EVA1A: variants seen among roughly 807,000 people sequenced by gnomAD.
EVA1A encodes eva-1 homolog A, regulator of programmed cell death, also known as protein eva-1 homolog A.
Under a neutral mutation model 9.8 loss-of-function variants are expected in EVA1A, and 7 were observed. That is an observed-to-expected ratio of 0.71 (90% confidence interval 0.41 to 1.34). The LOEUF (loss-of-function observed/expected upper bound fraction) is 1.34, where lower values mean the gene tolerates loss of function less well. Ranked by LOEUF, EVA1A falls within the 40% of genes most tolerant of loss-of-function variation. EVA1A has a pLI of 0.01. For missense variants in EVA1A, 206 were observed against 205.9 expected (o/e 1.00, Z 0.00); for synonymous variants, 90 against 85.6 (o/e 1.05, Z -0.28).
chr2:75,559,706 G>GGGGGGGGGGGGTT (rs1676850757), intron 1 of EVA1A, among the ~76,000 whole-genome samples: 1 of 131,220 alleles, frequency 7.6e-6, no homozygotes, highest in Admixed American at 7.6e-5. Context: ...GTGGGGGGGG[G>GGGGGGGGGGGGTT]GCGGGGGAGT....
chr2:75,562,201 T>C (rs1676939798), upstream of EVA1A, among the ~76,000 whole-genome samples: 1 of 152,354 alleles, frequency 6.6e-6, no homozygotes, highest in South Asian at 2.1e-4. Context: ...TATATTGGAC[T>C]GATTGTATAT....
intron 1 of EVA1A, among the ~76,000 whole-genome samples, chr2:75,548,006 A>G (rs1393725316): frequency 5.9e-5 from 9 of 152,238 alleles, no homozygotes; most frequent in African/African-American, 2.2e-4. Context: ...AATACTTACT[A>G]TCTGATCCTT....
intron 1 of EVA1A, among the ~76,000 whole-genome samples, chr2:75,527,460 C>G (rs375038577): frequency 6.6e-6 from 1 of 152,210 alleles, no homozygotes; most frequent in African/African-American, 2.4e-5. Flanking sequence ...GCAGCCTAGT[C>G]AGGACTCTCA....
At chr2:75,512,483 G>A (rs1326773238) in intron 3 of EVA1A, among the ~76,000 whole-genome samples, 2 of 152,034 alleles carry the variant, frequency 1.3e-5, no homozygotes, top group Non-Finnish European at 2.9e-5. Context: ...GAGAATTCTT[G>A]GAAAAGGAAA....
chr2:75,497,806 G>C (rs752722888), intron 3 of EVA1A, among the ~76,000 whole-genome samples: 16 of 124,606 alleles, frequency 1.3e-4, no homozygotes, highest in Non-Finnish European at 2.4e-4. Context: ...AGCTGAGATT[G>C]TACCACTGTA....
intron 1 of EVA1A, among the ~76,000 whole-genome samples, chr2:75,537,379 A>G (rs983542459): frequency 2.0e-5 from 3 of 152,174 alleles, no homozygotes; most frequent in East Asian, 3.9e-4. Flanking sequence ...GAAATACTCA[A>G]TGTTTACTCT....
intron 1 of EVA1A, among the ~76,000 whole-genome samples, chr2:75,526,761 T>G (rs1675456565): frequency 6.6e-6 from 1 of 152,242 alleles, no homozygotes; most frequent in East Asian, 1.9e-4. Flanking sequence ...AAAGATGGAA[T>G]TGCATTTTGG....
chr2:75,553,395 T>A (rs180904188), intron 1 of EVA1A, among the ~76,000 whole-genome samples: 1 of 152,336 alleles, frequency 6.6e-6, no homozygotes, highest in East Asian at 1.9e-4. Context: ...AAGACATATG[T>A]CCTGATTTCA....
intron 1 of EVA1A, among the ~76,000 whole-genome samples, chr2:75,548,928 G>A (rs966887497): frequency 6.6e-6 from 1 of 150,828 alleles, no homozygotes; most frequent in Non-Finnish European, 1.5e-5. Flanking sequence ...CTAGCCTTGA[G>A]CCAGCCACAT....
chr2:75,528,881 C>A (rs1675547862), intron 1 of EVA1A, among the ~76,000 whole-genome samples: 1 of 152,180 alleles, frequency 6.6e-6, no homozygotes, highest in Non-Finnish European at 1.5e-5. Context: ...CATGACAGAA[C>A]AACCCTGCTC....
chr2:75,522,953 T>C (rs562420939), intron 1 of EVA1A, among the ~76,000 whole-genome samples: 16 of 152,312 alleles, frequency 1.1e-4, no homozygotes, highest in African/African-American at 3.6e-4. Flanking sequence ...AATGCTGATA[T>C]GTAGATTCCG....
At chr2:75,523,316 C>A (rs1038184811) in intron 1 of EVA1A, among the ~76,000 whole-genome samples, 1 of 152,240 alleles carries the variant, frequency 6.6e-6, no homozygotes, top group Non-Finnish European at 1.5e-5. Context: ...GGGTAACTGT[C>A]TACAGACTCA....
chr2:75,504,896 T>C (rs1453050738), intron 3 of EVA1A, among the ~76,000 whole-genome samples: 1 of 152,134 alleles, frequency 6.6e-6, no homozygotes, highest in Non-Finnish European at 1.5e-5. Flanking sequence ...AAAACCACCA[T>C]GGCACATGTA....
At chr2:75,537,487 C>T (rs1431082319) in intron 1 of EVA1A, among the ~76,000 whole-genome samples, 1 of 152,168 alleles carries the variant, frequency 6.6e-6, no homozygotes, top group Non-Finnish European at 1.5e-5. Context: ...AGAAAAGGTA[C>T]TAAAAGACAC....
chr2:75,523,921 A>G (rs919438974), intron 1 of EVA1A: 1 of 152,148 alleles, frequency 6.6e-6, no homozygotes, highest in African/African-American at 2.4e-5. Flanking sequence ...TATAGTTCCT[A>G]TAATCCCCAA....
At chr2:75,514,286 G>C (rs1674925697) in intron 3 of EVA1A, among the ~76,000 whole-genome samples, 1 of 152,268 alleles carries the variant, frequency 6.6e-6, no homozygotes, top group East Asian at 1.9e-4. Context: ...TTCTGGATTA[G>C]GTGATGCCCT....
intron 1 of EVA1A, among the ~76,000 whole-genome samples, chr2:75,535,937 T>C (rs1675874945): frequency 1.3e-5 from 2 of 152,180 alleles, no homozygotes; most frequent in African/African-American, 2.4e-5. Context: ...TGAAATAAAA[T>C]GTTTTTAAAA....
intron 1 of EVA1A, among the ~76,000 whole-genome samples, chr2:75,539,959 G>A (rs1021522407): frequency 1.3e-5 from 2 of 152,170 alleles, no homozygotes; most frequent in Non-Finnish European, 1.5e-5. Flanking sequence ...ACAAATAGTG[G>A]GAGCTGGAGC....
In EVA1A at chr2:75,492,890, T is replaced by G. The variant is rs1674079049; in HGVS notation, c.*346A>C. The G allele has an allele frequency of 4.0e-6, 1 of 248,296 alleles. No homozygotes were observed. The highest frequency in any genetic ancestry group is 7.7e-6 in the Non-Finnish European group (1 of 130,042). The allele number at this position is 248,296 out of a possible 1,614,324, so 15.4% of individuals were successfully genotyped here. A position where few individuals can be genotyped will look rare whatever the true frequency, so the allele number is the denominator to read the frequency against. On this transcript the variant is annotated 3_prime_UTR_variant, in exon 4 of 4. Transcript: ENST00000393913. ...CTCATGCTATAATGATCTTTCCTTT[T>G]GCAAAGGAATAACACAGAGCAAGGA...
Sources: gnomAD v4.1 joint callset for allele counts (sites outside exome capture counted in the v4.1 genomes callset) on GRCh38, gnomAD v4.1.1 for gene constraint, MANE v1.5 for transcripts, NCBI Gene and HGNC (gene_info 2026-07-23, HGNC 2026-07-21) for gene names.